The following COL4A3 variants were observed in gnomAD, a reference collection of about 807,000 sequenced individuals.
The protein encoded by COL4A3 is collagen alpha-3(IV) chain.
In COL4A3, 135 loss-of-function variants were observed where a neutral mutation model predicts 217.4. That is an observed-to-expected ratio of 0.62 (90% CI 0.54 to 0.72). The LOEUF (loss-of-function observed/expected upper bound fraction) is 0.72, where lower values mean the gene tolerates loss of function less well. Ranked by LOEUF, COL4A3 falls within the 30% of genes least tolerant of loss-of-function variation. The pLI is 0.00. For synonymous variants in COL4A3, 690 were observed against 736.3 expected (o/e 0.94, Z 1.02); for missense variants, 1,868 against 2,119.9 (o/e 0.88, Z 2.33).
intron 1 of COL4A3, among the ~76,000 whole-genome samples, chr2:227,207,321 C>T (rs374053883): frequency 6.6e-6 from 1 of 152,142 alleles, no homozygotes; most frequent in East Asian, 1.9e-4. Flanking sequence ...TAAAAAAATG[C>T]ATTTTAGTAT....
At chr2:227,213,404 G>C (rs1034559049) in intron 1 of COL4A3, among the ~76,000 whole-genome samples, 3 of 152,010 alleles carry the variant, frequency 2.0e-5, no homozygotes, top group Non-Finnish European at 2.9e-5. Flanking sequence ...TAAGAGGCAA[G>C]GTCCTCAATT....
intron 7 of COL4A3, 80 bp downstream of exon 7, chr2:227,246,818 A>T: frequency 8.2e-7 from 1 of 1,216,568 alleles, no homozygotes. Context: ...CATATACACA[A>T]ATCCGTCATG....
At chr2:227,277,966 A>T (rs2071693933) in intron 28 of COL4A3, among the ~76,000 whole-genome samples, 1 of 152,210 alleles carries the variant, frequency 6.6e-6, no homozygotes, top group Admixed American at 6.5e-5. Context: ...AAAAAATCTT[A>T]TAATAATGTT....
At chr2:227,295,434 T>C (rs2072988932) in intron 41 of COL4A3, 118 bp downstream of exon 41, 3 of 857,232 alleles carry the variant, frequency 3.5e-6, no homozygotes, top group Admixed American at 3.7e-5. Context: ...CCAATAGTAA[T>C]ACAGGATATT....
intron 23 of COL4A3, 44 bp downstream of exon 23, chr2:227,267,132 G>C: frequency 7.3e-7 from 1 of 1,363,558 alleles, no homozygotes; most frequent in East Asian, 2.3e-5. Context: ...GCACAAAAGG[G>C]TCAATACACT....
At chr2:227,302,677 C>CAAAAAACAAAAAAAAA (rs2073340486) in intron 43 of COL4A3, among the ~76,000 whole-genome samples, 1 of 79,916 alleles carries the variant, frequency 1.3e-5, no homozygotes, top group African/African-American at 6.5e-5. Flanking sequence ...ACTCTTTCTC[C>CAAAAAACAAAAAAAAA]AAAAAAAAAA....
chr2:227,285,277 TAAA>T (rs764697409), intron 34 of COL4A3, among the ~76,000 whole-genome samples: 1 of 72,374 alleles, frequency 1.4e-5, no homozygotes. Context: ...CTGCCAAACC[TAAA>T]AAAAAAAAAA....
chr2:227,223,678 G>A (rs2067934628), intron 1 of COL4A3, among the ~76,000 whole-genome samples: 1 of 152,202 alleles, frequency 6.6e-6, no homozygotes, highest in Non-Finnish European at 1.5e-5. Context: ...AGGTTCCAGT[G>A]AGCCGAGATC....
chr2:227,216,887 C>A (rs1160737819), intron 1 of COL4A3, among the ~76,000 whole-genome samples: 1 of 152,124 alleles, frequency 6.6e-6, no homozygotes. Flanking sequence ...TAATGGTAAA[C>A]TTCAGTTATC....
rs746300285 is a variant in COL4A3 at position 227,164,720 on chromosome 2, G to C, written c.-7G>C. 1 of 1,530,492 alleles carries C rather than the reference G, an allele frequency of 6.5e-7. No homozygotes were observed. Among genetic ancestry groups the C allele is most frequent in the South Asian group, 1.2e-5 (1 of 83,798 alleles). 94.8% of individuals were successfully genotyped at this position (1,530,492 alleles called of 1,614,324 possible). On this transcript the variant is annotated 5_prime_UTR_variant, in exon 1 of 52. Coordinates refer to ENST00000396578, the MANE Select transcript of COL4A3 (RefSeq NM_000091.5). This position sits in a 1 kb window ranked among gnomAD's most constrained non-coding sequence, Gnocchi z 4.8. ...GGACTCGCCCAGGCTCTGAGCGCGC[G>C]CCCACCATGAGCGCCCGGACCGCCC...
chr2:227,185,680 G>A lies in COL4A3; in HGVS notation c.87+20867G>A, dbSNP rs182956724. On this transcript the variant is annotated intron_variant, in intron 1 of 51. Coordinates refer to ENST00000396578, the MANE Select transcript of COL4A3 (RefSeq NM_000091.5). ...AGAGAGAAAACATTCCTTGTCAATAGGGAAGAAGTAAAAAGAGAACTGAAA... is the reference window on the plus strand; with the variant it reads ...AGAGAGAAAACATTCCTTGTCAATAAGGAAGAAGTAAAAAGAGAACTGAAA... Among the ~76,000 whole-genome samples, 889 of 152,284 alleles carry A rather than the reference G, an allele frequency of 5.8e-3. 3 individuals carry two copies. The highest frequency in any genetic ancestry group is 0.01 in the Non-Finnish European group (700 of 68,022).
At chr2:227,245,865 A>T in intron 5 of COL4A3, 89 bp from the exon 6 acceptor site, 1 of 909,474 alleles carries the variant, frequency 1.1e-6, no homozygotes. Flanking sequence ...TTATATTTCA[A>T]GAGCTATTTA....
At chr2:227,254,057 T>C (rs367866024) in intron 13 of COL4A3, 55 bp from the exon 14 acceptor site, 112 of 1,474,392 alleles carry the variant, frequency 7.6e-5, no homozygotes, top group Non-Finnish European at 1.0e-4. Context: ...CACTGTTGAA[T>C]CAGTGAAATC....
rs773180822 is a variant in COL4A3, at chr2:227,276,461, C to A, written c.2004C>A (p.Gly668=). ...CTCCAGGGCCCCCTGGCCATCCTGG[C>A]CCCCAAGGTCCACCTGGTAAGTATC... ...PGPPGPPGHP[G]PQGPPGIPGS... is the part of the protein sequence containing the mutation. Residue 668 remains glycine, a synonymous_variant, in exon 27 of 52, where the codon GGC becomes GGA. Transcript: ENST00000396578. 2.5e-6 allele frequency: 4 copies of A among 1,613,654 alleles called. No homozygotes were observed. Among genetic ancestry groups the A allele is most frequent in the African/African-American group, 1.3e-5 (1 of 74,918 alleles).
Position 227,297,696 on chromosome 2 carries a change from C to G in COL4A3, c.3588C>G (p.Ala1196=), listed in dbSNP as rs767337248. The change falls in exon 42 of 52, where the codon GCC becomes GCG. Residue 1196 remains alanine (A), a synonymous_variant. Coordinates refer to ENST00000396578, the MANE Select transcript of COL4A3 (RefSeq NM_000091.5). The part of the protein sequence containing the change: ...GAQGAKGDRG[A]PGFPGLPGRK... ...CAGGAGCCAAAGGAGACAGGGGAGC[C>G]CCAGGTTTTCCTGGCCTCCCGGGCA... is the stretch of plus-strand genomic sequence containing the variant. 5.6e-6 allele frequency: 9 copies of G among 1,608,500 alleles called. No homozygotes were observed. The East Asian group carries it at 1.6e-4, about 28-fold the overall frequency.
rs570338285 is a variant in COL4A3 at position 227,174,096 on chromosome 2, C to G, written c.87+9283C>G. Among the ~76,000 whole-genome samples the G allele has an allele frequency of 2.0e-5, 3 of 152,328 alleles. No homozygotes were observed. In the East Asian group the frequency reaches 5.8e-4, roughly 29 times the overall value. ...ATCAGGCTGAGTTGTGCATAAATAT[C>G]TGTGCATCTTTACCTCCAGAAAATT... On this transcript the variant is annotated intron_variant, in intron 1 of 51. Transcript: ENST00000396578.
At chr2:227,256,111 A>C (rs1288565215) in intron 16 of COL4A3, 41 bp downstream of exon 16, 1 of 1,565,354 alleles carries the variant, frequency 6.4e-7, no homozygotes, top group Admixed American at 1.7e-5. Context: ...TAAAAATGTC[A>C]GTCCTACTAG....
rs1261742464 is a variant in COL4A3, at chr2:227,314,435, T to C, written c.*2565T>C. 5 of 152,664 alleles carry C rather than the reference T, an allele frequency of 3.3e-5. No individual in the cohort carries two copies. The highest frequency in any genetic ancestry group is 7.3e-5 in the Non-Finnish European group (5 of 68,046). The allele number at this position is 152,664 out of a possible 1,614,324, so 9.5% of individuals were successfully genotyped here. On this transcript the variant is annotated 3_prime_UTR_variant, in exon 52 of 52. Transcript: ENST00000396578. ...ACAGATAAAATGTAAACTGTTTCTT[T>C]AAAATTGGGGCTTCAACTTTGGAAT...
intron 1 of COL4A3, among the ~76,000 whole-genome samples, chr2:227,204,243 A>C (rs999229809): frequency 7.9e-5 from 12 of 152,196 alleles, no homozygotes; most frequent in African/African-American, 2.9e-4. Context: ...AGGATTAAAT[A>C]AGTTATTAGA....
Sources: allele counts gnomAD v4.1 joint callset (sites outside exome capture counted in the v4.1 genomes callset), GRCh38; gene constraint gnomAD v4.1.1; non-coding constraint Gnocchi (gnomAD v3.1); transcripts MANE v1.5; gene names NCBI Gene and HGNC (gene_info 2026-07-23, HGNC 2026-07-21).